The following TEX11 variants were observed in gnomAD, a reference collection of about 807,000 sequenced individuals.
TEX11 encodes the protein testis-expressed protein 11.
Under a neutral mutation model 84.4 loss-of-function variants are expected in TEX11, and 7 were observed. That is an observed-to-expected ratio of 0.08 (90% CI 0.05 to 0.16). TEX11 has a LOEUF of 0.16. Among genes scored for constraint, TEX11 ranks in the 10% least tolerant of loss-of-function variants. The pLI is 1.00. For missense variants in TEX11, 551 were observed against 660.5 expected (o/e 0.83, Z 1.82); for synonymous variants, 264 against 222.8 (o/e 1.18, Z -1.64).
At chrX:70,664,743 C>T (rs1350710936) in intron 16 of TEX11, among the ~76,000 whole-genome samples, 1 of 105,570 alleles carries the variant, frequency 9.5e-6, no homozygotes, top group East Asian at 2.9e-4. Context: ...TACAGTATAG[C>T]TGTATCAAAT....
intron 16 of TEX11, among the ~76,000 whole-genome samples, chrX:70,669,554 A>T (rs1290404182): frequency 1.8e-5 from 2 of 112,819 alleles, no homozygotes; most frequent in Non-Finnish European, 3.7e-5. Context: ...TGACTTTATA[A>T]CATATAAACT....
At chrX:70,618,213 C>T (rs2089341049) in intron 20 of TEX11, among the ~76,000 whole-genome samples, 1 of 111,187 alleles carries the variant, frequency 9.0e-6, no homozygotes, top group African/African-American at 3.3e-5. Flanking sequence ...GAAAACTGGT[C>T]CATTAACAGG....
chrX:70,860,229 T>A (rs890970099), intron 5 of TEX11, among the ~76,000 whole-genome samples: 14 of 111,654 alleles, frequency 1.3e-4, no homozygotes, highest in Non-Finnish European at 2.1e-4. Flanking sequence ...AGTTTTATCA[T>A]ATTATATATG....
chrX:70,880,321 T>C (rs2091676059), intron 2 of TEX11, among the ~76,000 whole-genome samples: 1 of 112,361 alleles, frequency 8.9e-6, no homozygotes, highest in Non-Finnish European at 1.9e-5. Context: ...GAGTCACTTG[T>C]TTATAACTTA....
intron 7 of TEX11, among the ~76,000 whole-genome samples, chrX:70,833,828 T>C (rs777941651): frequency 8.6e-4 from 96 of 111,668 alleles, no homozygotes; most frequent in African/African-American, 3.0e-3. Flanking sequence ...TACTTTTTTC[T>C]GGAAATGCAA....
chrX:70,667,239 A>T (rs1337060926), intron 16 of TEX11, among the ~76,000 whole-genome samples: 2 of 112,126 alleles, frequency 1.8e-5, no homozygotes, highest in Non-Finnish European at 1.9e-5. Flanking sequence ...AACAGAGTTG[A>T]TTAGTTTCAG....
Position 70,680,579 on chromosome X carries a change from TAAAA to T in TEX11, c.1157-1694_1157-1691del, listed in dbSNP as rs34908221. On this transcript the variant is annotated intron_variant, in intron 14 of 29. Coordinates refer to ENST00000374333, the MANE Select transcript of TEX11 (RefSeq NM_031276.3). ...CGAGAAACACCCAAGAATGATCAAT[TAAAA>T]AAAAAAAAAAAAAGAATCTCGGTCT... Among the ~76,000 whole-genome samples the T allele has an allele frequency of 9.2e-3, 824 of 89,241 alleles. 5 individuals are homozygous for T. The highest frequency in any genetic ancestry group is 0.014 in the Non-Finnish European group (630 of 46,023). 77.5% of individuals were successfully genotyped at this position (89,241 alleles called of 115,157 possible). A position where few individuals can be genotyped will look rare whatever the true frequency, so the allele number is the denominator to read the frequency against.
intron 25 of TEX11, among the ~76,000 whole-genome samples, chrX:70,584,317 C>T (rs959189052): frequency 9.1e-6 from 1 of 109,924 alleles, no homozygotes; most frequent in Non-Finnish European, 1.9e-5. Flanking sequence ...TGACAAATTA[C>T]TAAAAGCACA....
chrX:70,886,791 G>A (rs180926366), intron 2 of TEX11, among the ~76,000 whole-genome samples: 1 of 111,513 alleles, frequency 9.0e-6, no homozygotes, highest in African/African-American at 3.3e-5. Flanking sequence ...CTACAAACTG[G>A]GCTCATCGGA....
chrX:70,806,239 G>A (rs1455573513), intron 9 of TEX11, among the ~76,000 whole-genome samples: 1 of 111,892 alleles, frequency 8.9e-6, no homozygotes, highest in Non-Finnish European at 1.9e-5. Context: ...TGGATTGCCT[G>A]AGCTCAAGAG....
At chrX:70,565,833 A>C (rs2088463243) in intron 25 of TEX11, among the ~76,000 whole-genome samples, 1 of 111,691 alleles carries the variant, frequency 9.0e-6, no homozygotes, top group Admixed American at 9.6e-5. Context: ...GAAGTCAGGT[A>C]GCTTGATGCC....
At chrX:70,520,297 G>A in the TEX11 span, among the ~76,000 whole-genome samples, 1 of 111,903 alleles carries the variant, frequency 8.9e-6, no homozygotes, top group African/African-American at 3.2e-5. Context: ...TACAGATGGG[G>A]TTTTGGTGTG....
chrX:70,894,636 A>C (rs1167411037), intron 2 of TEX11, among the ~76,000 whole-genome samples: 2 of 110,786 alleles, frequency 1.8e-5, no homozygotes, highest in African/African-American at 6.6e-5. Flanking sequence ...AAAAAAAAAA[A>C]AATACTGGCA....
chrX:70,787,399 C>T (rs916119918), intron 9 of TEX11, among the ~76,000 whole-genome samples: 3 of 109,118 alleles, frequency 2.7e-5, no homozygotes, highest in African/African-American at 1.0e-4. Context: ...GGCACAATCT[C>T]AACTCATTGC....
intron 17 of TEX11, among the ~76,000 whole-genome samples, chrX:70,639,577 C>T (rs1016282056): frequency 2.2e-4 from 25 of 111,781 alleles, no homozygotes; most frequent in African/African-American, 4.6e-4. Context: ...GATCTGAGAA[C>T]GGGCAGACTG....
In TEX11 at chrX:70,678,837, G is replaced by A. The variant is rs1202660136; in HGVS notation, c.1209C>T (p.Asn403=). Residue 403 remains asparagine (N), a synonymous_variant, in exon 15 of 30, where the codon AAC becomes AAT. Coordinates refer to ENST00000374333, the MANE Select transcript of TEX11 (RefSeq NM_031276.3). ...LTAESMNWLH[N]ILWRQAASSF... is the part of the protein sequence containing the mutation. Reference sequence around the variant, plus strand: ...TACTGGCAGCTTGTCTCCACAGAATGTTGTGTAACCAGTTCATTGATTCTG... The same window carrying A: ...TACTGGCAGCTTGTCTCCACAGAATATTGTGTAACCAGTTCATTGATTCTG... 20 of 1,201,650 alleles carry A rather than the reference G, an allele frequency of 1.7e-5. No individual in the cohort carries two copies. Among genetic ancestry groups the A allele is most frequent in the Admixed American group, 2.2e-5 (1 of 45,293 alleles).
At chrX:70,824,217 G>A (rs1368536822) in intron 8 of TEX11, among the ~76,000 whole-genome samples, 1 of 111,344 alleles carries the variant, frequency 9.0e-6, no homozygotes, top group East Asian at 2.8e-4. Context: ...CACCAAACTG[G>A]TGGTAAGTTT....
rs67645855 is a variant in TEX11 at position 70,671,880 on chromosome X, G to GAT, written c.1243-1368_1243-1367dup. On this transcript the variant is annotated intron_variant, in intron 15 of 29. Coordinates refer to ENST00000374333, the MANE Select transcript of TEX11 (RefSeq NM_031276.3). The stretch of plus-strand genomic sequence containing the variant: ...AATATTTAAACTGTACAATTGTTTT[G>GAT]ATATATATATATATATATATATATA... Among the ~76,000 whole-genome samples, 487 of 66,249 alleles carry GAT rather than the reference G, an allele frequency of 7.4e-3. 6 individuals are homozygous for GAT. Among genetic ancestry groups the GAT allele is most frequent in the East Asian group, 0.028 (42 of 1,495 alleles). 57.5% of individuals were successfully genotyped at this position (66,249 alleles called of 115,157 possible).
At chrX:70,529,388 T>A (rs1425719244) in intron 29 of TEX11, among the ~76,000 whole-genome samples, 1 of 112,139 alleles carries the variant, frequency 8.9e-6, no homozygotes, top group Non-Finnish European at 1.9e-5. Flanking sequence ...CTATAAAATA[T>A]CCTTTGCTCT....
Sources: gnomAD v4.1 joint callset for allele counts (sites outside exome capture counted in the v4.1 genomes callset) on GRCh38, gnomAD v4.1.1 for gene constraint, MANE v1.5 for transcripts, NCBI Gene and HGNC (gene_info 2026-07-23, HGNC 2026-07-21) for gene names.